Variants in MRPS30 observed in about 807,000 individuals in gnomAD.
MRPS30 encodes mitochondrial ribosomal protein S30.
In MRPS30, 42 loss-of-function variants were observed where a neutral mutation model predicts 43.8. The observed-to-expected ratio is 0.96, with a 90% CI of 0.75 to 1.24. MRPS30 has a LOEUF of 1.24. Ranked by LOEUF, MRPS30 falls within the 50% of genes most tolerant of loss-of-function variation. MRPS30 has a pLI of 0.00. For synonymous variants in MRPS30, 273 were observed against 228.2 expected (o/e 1.20, Z -1.77); for missense variants, 638 against 570.0 (o/e 1.12, Z -1.22).
chr5:44,808,968 G>T lies in MRPS30; in HGVS notation c.6G>T (p.Ala2=). The T allele has an allele frequency of 6.3e-7, 1 of 1,592,538 alleles. No individual in the cohort carries two copies. Among genetic ancestry groups the T allele is most frequent in the Non-Finnish European group, 8.5e-7 (1 of 1,170,634 alleles). Residue 2 remains alanine (A), a synonymous_variant, in exon 1 of 5, where the codon GCG becomes GCT. Coordinates refer to ENST00000507110, the MANE Select transcript of MRPS30 (RefSeq NM_016640.4). M[A]AARCWRPLLR... is the part of the protein sequence containing the mutation. ...GTCCGGAATCGCGGGCAAAGATGGC[G>T]GCGGCCAGGTGTTGGAGGCCTTTGC...
chr5:44,809,355 C>CGAACCT lies in MRPS30; in HGVS notation c.401_406dup (p.Glu134_Pro135dup), dbSNP rs761334265. The CGAACCT allele has an allele frequency of 8.7e-6, 14 of 1,608,282 alleles. No individual in the cohort carries two copies. Among genetic ancestry groups the CGAACCT allele is most frequent in the South Asian group, 7.7e-5 (7 of 90,550 alleles). Reference sequence around the variant, plus strand: ...CGGAGCCCGAGCCCGAGCCCGAACCCGAACCTGAACCTGCGCTGGACCTCG... The same window carrying CGAACCT: ...CGGAGCCCGAGCCCGAGCCCGAACCCGAACCTGAACCTGAACCTGCGCTGGACCTCG... On this transcript the variant is annotated inframe_insertion, in exon 1 of 5. Transcript: ENST00000507110.
chr5:44,810,387 C>T (rs1742818825), intron 1 of MRPS30, among the ~76,000 whole-genome samples: 1 of 152,104 alleles, frequency 6.6e-6, no homozygotes, highest in Non-Finnish European at 1.5e-5. Flanking sequence ...AAGTAATTAA[C>T]GTATAAATAA....
Position 44,811,064 on chromosome 5 carries a change from T to G in MRPS30, c.657T>G (p.Arg219=). ...TGCGTGGTGAAGAAATTATTCCTCGTGGTCATCGAAGAGGTCGAATTGATG... is the reference window on the plus strand; with the variant it reads ...TGCGTGGTGAAGAAATTATTCCTCGGGGTCATCGAAGAGGTCGAATTGATG... The part of the protein sequence containing the change: ...YWVRGEEIIP[R]GHRRGRIDDL... The change falls in exon 2 of 5, where the codon CGT becomes CGG. Residue 219 remains arginine (R), a synonymous_variant. Transcript: ENST00000507110. 6 of 1,614,064 alleles carry G rather than the reference T, an allele frequency of 3.7e-6. No individual in the cohort carries two copies. The highest frequency in any genetic ancestry group is 1.7e-4 in the Middle Eastern group (1 of 6,060).
chr5:44,814,544 A>G (rs1742889561), intron 4 of MRPS30, among the ~76,000 whole-genome samples: 1 of 152,214 alleles, frequency 6.6e-6, no homozygotes, highest in South Asian at 2.1e-4. Context: ...AAGATGACAT[A>G]AAATACGTGT....
At chr5:44,812,408 TAA>T (rs1263858644) in intron 3 of MRPS30, among the ~76,000 whole-genome samples, 2 of 152,168 alleles carry the variant, frequency 1.3e-5, no homozygotes, top group African/African-American at 4.8e-5. Context: ...CACAAATTCA[TAA>T]TGTCTGATGT....
At chr5:44,811,253 G>T in intron 2 of MRPS30, 99 bp downstream of exon 2, 1 of 1,352,326 alleles carries the variant, frequency 7.4e-7, no homozygotes, top group Non-Finnish European at 1.0e-6. Flanking sequence ...TGTTTCAGGT[G>T]GATCTCTTGC....
intron 3 of MRPS30, among the ~76,000 whole-genome samples, chr5:44,812,761 C>T (rs899636278): frequency 1.3e-5 from 2 of 151,698 alleles, no homozygotes; most frequent in African/African-American, 4.8e-5. Flanking sequence ...GCTGTATCCT[C>T]TTAGTTAATA....
At chr5:44,810,646 T>C (rs1320832225) in intron 1 of MRPS30, among the ~76,000 whole-genome samples, 1 of 152,208 alleles carries the variant, frequency 6.6e-6, no homozygotes, top group Non-Finnish European at 1.5e-5. Context: ...TCTTCTCCTA[T>C]AAAATAGAGA....
In MRPS30 at chr5:44,815,125, GA is replaced by G; in HGVS notation, c.1244del (p.Asp415ValfsTer7). The stretch of plus-strand genomic sequence containing the variant: ...GGATAATGATGTGAAAGGTTTTAAT[GA>G]TGATGTTCTACTTCAGATAGTTCAC... Reference protein sequence around the residue: ...IEDNDVKGFNDDVLLQIVHFL... With the variant: ...IEDNDVKGFNXDVLLQIVHFL... On this transcript the variant is annotated frameshift_variant, in exon 5 of 5. Coordinates refer to ENST00000507110, the MANE Select transcript of MRPS30 (RefSeq NM_016640.4). LOFTEE classifies it high-confidence loss of function. 1 of 1,612,722 alleles carries G rather than the reference GA, an allele frequency of 6.2e-7. No individual in the cohort carries two copies. Among genetic ancestry groups the G allele is most frequent in the Non-Finnish European group, 8.5e-7 (1 of 1,179,096 alleles).
In MRPS30 at chr5:44,815,093, C is replaced by T. The variant is rs1447769914; in HGVS notation, c.1211C>T (p.Thr404Ile). ...ACACAAAGTAAGCCTCTTTATGAAA[C>T]AATTGAGGATAATGATGTGAAAGGT... ...WGTQSKPLYE[T>I]IEDNDVKGFN... Residue 404 changes from threonine to isoleucine, a missense_variant, in exon 5 of 5, where the codon ACA (threonine) becomes ATA (isoleucine). Thr to Ile is a moderately conservative substitution (Grantham distance 89). Transcript: ENST00000507110. 6.2e-7 allele frequency: 1 copy of T among 1,612,372 alleles called. No individual in the cohort carries two copies. The highest frequency in any genetic ancestry group is 8.5e-7 in the Non-Finnish European group (1 of 1,178,688).
At position 44,809,067 on chromosome 5, in the gene MRPS30, C is replaced by A. The variant is rs1475089695; in HGVS notation, c.105C>A (p.Asp35Glu). Residue 35 changes from aspartate (D) to glutamate (E), a missense_variant, in exon 1 of 5, where the codon GAC becomes GAA. By Grantham distance (45) the Asp-to-Glu change is conservative. Transcript: ENST00000507110. ...AATATETTCQ[D>E]VAATPVARYP... ...CGGCTACAGAAACGACCTGCCAAGA[C>A]GTCGCGGCGACCCCCGTCGCGCGGT... 1.9e-6 allele frequency: 3 copies of A among 1,610,038 alleles called. No homozygotes were observed. The highest frequency in any genetic ancestry group is 3.4e-5 in the Admixed American group (2 of 59,518).
intron 3 of MRPS30, 51 bp downstream of exon 3, chr5:44,812,071 A>G (rs781451201): frequency 1.1e-5 from 15 of 1,342,680 alleles, no homozygotes; most frequent in South Asian, 9.3e-5. Flanking sequence ...CAAGTGTCGT[A>G]TGCAAATTTG....
rs1360532720 is a variant in MRPS30, at chr5:44,809,126, G to A, written c.164G>A (p.Ser55Asn). 6.2e-7 allele frequency: 1 copy of A among 1,611,948 alleles called. No individual in the cohort carries two copies. Among genetic ancestry groups the A allele is most frequent in the Non-Finnish European group, 8.5e-7 (1 of 1,179,480 alleles). The change falls in exon 1 of 5, where the codon AGC (serine) becomes AAC (asparagine). Residue 55 changes from serine (S) to asparagine (N), a missense_variant. Ser to Asn is a conservative substitution (Grantham distance 46). Transcript: ENST00000507110. ...ATTGTGGCCTCCATGACAGCCGACA[G>A]CAAAGCTGCACGGCTGCGGCGGATC... ...PPIVASMTAD[S>N]KAARLRRIER...
At position 44,814,780 on chromosome 5, in the gene MRPS30, G is replaced by T. The variant is rs959944461; in HGVS notation, c.1031-133G>T. 6.4e-6 allele frequency: 5 copies of T among 775,872 alleles called. No individual in the cohort carries two copies. In the African/African-American group the frequency reaches 8.7e-5, roughly 13 times the overall value. 48.1% of individuals were successfully genotyped at this position (775,872 alleles called of 1,614,324 possible). ...ATAGAGATGATAAGGAAACTTTGAGGTCTTCAGGGATTTTGTTACATAAAG... is the reference window on the plus strand; with the variant it reads ...ATAGAGATGATAAGGAAACTTTGAGTTCTTCAGGGATTTTGTTACATAAAG... On this transcript the variant is annotated intron_variant, in intron 4 of 4. Transcript: ENST00000507110.
intron 3 of MRPS30, among the ~76,000 whole-genome samples, 162 bp from the exon 4 acceptor site, chr5:44,812,944 G>C (rs1477812579): frequency 1.3e-5 from 2 of 151,960 alleles, no homozygotes; most frequent in Non-Finnish European, 2.9e-5. Flanking sequence ...ATTTTATTAT[G>C]ATCCATAAGA....
In MRPS30 at chr5:44,811,092, T is replaced by C; in HGVS notation, c.685T>C (p.Leu229=). 3 of 1,614,080 alleles carry C rather than the reference T, an allele frequency of 1.9e-6. No homozygotes were observed. The South Asian group carries it at 3.3e-5, about 18-fold the overall frequency. The change falls in exon 2 of 5, where the codon TTG becomes CTG. Residue 229 remains leucine, a synonymous_variant. Coordinates refer to ENST00000507110, the MANE Select transcript of MRPS30 (RefSeq NM_016640.4). ...RGHRRGRIDD[L]RYQIDDKPNN... ...TCATCGAAGAGGTCGAATTGATGAC[T>C]TGCGATACCAGATAGATGATAAACC...
Position 44,809,346 on chromosome 5 carries a change from GCCCGAACCCGAA to G in MRPS30, c.387_398del (p.Glu132_Pro135del). ...CGCCCCCAGCGGAGCCCGAGCCCGA[GCCCGAACCCGAA>G]CCTGAACCTGCGCTGGACCTCGCGG... On this transcript the variant is annotated inframe_deletion, in exon 1 of 5. Transcript: ENST00000507110. 6.2e-7 allele frequency: 1 copy of G among 1,608,316 alleles called. No individual in the cohort carries two copies. The highest frequency in any genetic ancestry group is 8.5e-7 in the Non-Finnish European group (1 of 1,177,508).
chr5:44,815,254 A>T lies in MRPS30; in HGVS notation c.*52A>T, dbSNP rs774678998. ...GGAATATTTAAATTTTACTGAAGGAACAATAATGATGAGATTTGTAACTGT... is the reference window on the plus strand; with the variant it reads ...GGAATATTTAAATTTTACTGAAGGATCAATAATGATGAGATTTGTAACTGT... On this transcript the variant is annotated 3_prime_UTR_variant, in exon 5 of 5. Transcript: ENST00000507110. 1 of 1,436,816 alleles carries T rather than the reference A, an allele frequency of 7.0e-7. No homozygotes were observed. Among genetic ancestry groups the T allele is most frequent in the East Asian group, 2.3e-5 (1 of 43,868 alleles). The allele number at this position is 1,436,816 out of a possible 1,614,324, so 89.0% of individuals were successfully genotyped here.
chr5:44,810,043 T>G, intron 1 of MRPS30: 1 of 154,884 alleles, frequency 6.5e-6, no homozygotes, highest in Non-Finnish European at 1.4e-5. Context: ...TTTTCGCGTT[T>G]TACGGTAGTA....
Sources: allele counts gnomAD v4.1 joint callset (sites outside exome capture counted in the v4.1 genomes callset), GRCh38; gene constraint gnomAD v4.1.1; transcripts MANE v1.5; gene names NCBI Gene and HGNC (gene_info 2026-07-23, HGNC 2026-07-21).